MYO15B: variants seen among roughly 807,000 people sequenced by gnomAD.
MYO15B encodes myosin XVB.
In MYO15B, 207 loss-of-function variants were observed where a neutral mutation model predicts 119.3. The ratio of observed to expected loss-of-function variants is 1.73; its 90% CI spans 1.55 to 1.95. The LOEUF (loss-of-function observed/expected upper bound fraction) is 1.95, where lower values mean the gene tolerates loss of function less well. Among genes scored for constraint, MYO15B ranks in the 30% most tolerant of loss-of-function variants. MYO15B has a pLI of 0.00. For missense variants in MYO15B, 2,264 were observed against 1,203.1 expected, an observed-to-expected ratio of 1.88 and a Z score of -13.04; for synonymous variants, 966 against 498.9, an observed-to-expected ratio of 1.94 and a Z score of -12.48.
chr17:75,617,238 C>A (rs1186253341), exon 41 of MYO15B: 1 of 694,640 alleles, frequency 1.4e-6, no homozygotes, highest in Admixed American at 2.1e-5. Flanking sequence ...CCACACACCC[C>A]CACCTCCACC....
exon 35 of MYO15B, chr17:75,615,507 G>A (rs1232142618): frequency 1.4e-6 from 1 of 695,062 alleles, no homozygotes; most frequent in South Asian, 1.5e-5. Context: ...TCACAGCCAT[G>A]GTGGTGCCGC....
chr17:75,614,366 T>C lies in MYO15B; in HGVS notation c.5381+6T>C. 1 of 702,028 alleles carries C rather than the reference T, an allele frequency of 1.4e-6. No homozygotes were observed. The highest frequency in any genetic ancestry group is 2.7e-5 in the East Asian group (1 of 37,252). The allele number at this position is 702,028 out of a possible 1,614,324, so 43.5% of individuals were successfully genotyped here. On this transcript the variant is annotated splice_donor_region_variant and intron_variant, in intron 30 of 63. Coordinates refer to ENST00000645453, the Ensembl canonical transcript of MYO15B. ...CCCATCACTCCTCTTGGCTCGTAGG[T>C]GCCACCCAGCACCCCTCTCCCTGGC...
At position 75,613,296 on chromosome 17, in the gene MYO15B, C is replaced by T. The variant is rs1309940010; in HGVS notation, c.4971C>T (p.Phe1657=). Residue 1657 remains phenylalanine (F), a synonymous_variant, in exon 28 of 64, where the codon TTC becomes TTT. Coordinates refer to ENST00000645453, the Ensembl canonical transcript of MYO15B. ...GCAGCCTGTGCCCGCCCTGCAGGTT[C>T]GTGTCTGACCAGGCCCCCAGGGGCA... 4 of 668,466 alleles carry T rather than the reference C, an allele frequency of 6.0e-6. No homozygotes were observed. In the Admixed American group the frequency reaches 6.5e-5, roughly 11 times the overall value. 41.4% of individuals were successfully genotyped at this position (668,466 alleles called of 1,614,324 possible). A position where few individuals can be genotyped will look rare whatever the true frequency, so the allele number is the denominator to read the frequency against.
At chr17:75,624,960 C>G (rs574557912) in intron 59 of MYO15B, 44 bp downstream of exon 59, 2 of 694,852 alleles carry the variant, frequency 2.9e-6, no homozygotes, top group Non-Finnish European at 5.3e-6. Context: ...TTTGAGGGCG[C>G]GGCTTCCTGC....
chr17:75,597,982 C>T (rs2056978306), intron 14 of MYO15B, among the ~76,000 whole-genome samples: 1 of 152,026 alleles, frequency 6.6e-6, no homozygotes, highest in South Asian at 2.1e-4. Context: ...CCCTGTGCGG[C>T]TCCGTGGGTG....
intron 9 of MYO15B, 151 bp from the exon 10 acceptor site, chr17:75,594,324 T>G: frequency 2.0e-6 from 1 of 493,162 alleles, no homozygotes; most frequent in Non-Finnish European, 3.5e-6. Context: ...CTGAAAACCA[T>G]AGCCTCGCTC....
chr17:75,601,680 C>T, intron 15 of MYO15B, 117 bp downstream of exon 15: 1 of 636,316 alleles, frequency 1.6e-6, no homozygotes, highest in East Asian at 2.7e-5. Context: ...AAGGCTTGGA[C>T]ACCTGTCCCT....
chr17:75,589,416 C>T lies in MYO15B; in HGVS notation c.1359C>T (p.His453=). Residue 453 remains histidine (H), a synonymous_variant, in exon 1 of 64, where the codon CAC becomes CAT. Coordinates refer to ENST00000645453, the Ensembl canonical transcript of MYO15B. This position sits in a 1 kb window ranked among gnomAD's most constrained non-coding sequence, Gnocchi z 4.2. ...GGAAAGCGGACGAAGGGCGGGGCCA[C>T]GAGCGAGGGTACGAGGGGCGGGGCT... 2.8e-6 allele frequency: 1 copy of T among 359,534 alleles called. No homozygotes were observed. Among genetic ancestry groups the T allele is most frequent in the Non-Finnish European group, 4.7e-6 (1 of 214,460 alleles). The allele number at this position is 359,534 out of a possible 1,614,324, so 22.3% of individuals were successfully genotyped here.
At position 75,616,752 on chromosome 17, in the gene MYO15B, C is replaced by T. The variant is rs558379631; in HGVS notation, c.6473C>T (p.Pro2158Leu). 3.0e-4 allele frequency: 212 copies of T among 703,034 alleles called. No homozygotes were observed. The African/African-American group carries it at 3.1e-3, about 10-fold the overall frequency. 43.5% of individuals were successfully genotyped at this position (703,034 alleles called of 1,614,324 possible). A position where few individuals can be genotyped will look rare whatever the true frequency, so the allele number is the denominator to read the frequency against. The change falls in exon 39 of 64, where the codon CCG (proline) becomes CTG (leucine). Residue 2158 changes from proline (P) to leucine (L), a missense_variant. Transcript: ENST00000645453. ...ATCATCCGCATGTACCAGAGCCGCC[C>T]GGGCCCCGTGCCTGTGCCCGTGCAG...
In MYO15B at chr17:75,620,528, G is replaced by A. The variant is rs147113713; in HGVS notation, c.7617G>A (p.Pro2539=). The A allele has an allele frequency of 8.7e-4, 611 of 702,796 alleles. 1 individual carries two copies. In the African/African-American group the frequency reaches 9.3e-3, roughly 11 times the overall value. 43.5% of individuals were successfully genotyped at this position (702,796 alleles called of 1,614,324 possible). A position where few individuals can be genotyped will look rare whatever the true frequency, so the allele number is the denominator to read the frequency against. The change falls in exon 49 of 64, where the codon CCG becomes CCA. Residue 2539 remains proline (P), a synonymous_variant. Transcript: ENST00000645453. ...TCTTTCCTGCCGACATAGTGCAGCC[G>A]GCTGCCGCTCCCGACTTTTCCTTCT...
At chr17:75,621,615 T>C (rs1378089307) in intron 52 of MYO15B, 45 bp downstream of exon 52, 1 of 688,494 alleles carries the variant, frequency 1.5e-6, no homozygotes, top group Middle Eastern at 2.4e-4. Flanking sequence ...TGCAGTGCCA[T>C]GAACCTGGGT....
rs774317035 is a variant in MYO15B, at chr17:75,611,650, C to T, written c.4496C>T (p.Thr1499Met). The stretch of plus-strand genomic sequence containing the variant: ...GCTGAGCTGGCCGTCATGCTGAAGA[C>T]GGCGGAAAGTGAGTCTTGTTGGTGT... Residue 1499 changes from threonine (T) to methionine (M), a missense_variant, in exon 24 of 64, where the codon ACG (threonine) becomes ATG (methionine). Thr to Met is a moderately conservative substitution (Grantham distance 81). Coordinates refer to ENST00000645453, the Ensembl canonical transcript of MYO15B. 61 of 702,664 alleles carry T rather than the reference C, an allele frequency of 8.7e-5. No individual in the cohort carries two copies. In the Middle Eastern group the frequency reaches 1.1e-3, roughly 13 times the overall value. 43.5% of individuals were successfully genotyped at this position (702,664 alleles called of 1,614,324 possible). A position where few individuals can be genotyped will look rare whatever the true frequency, so the allele number is the denominator to read the frequency against.
intron 9 of MYO15B, among the ~76,000 whole-genome samples, chr17:75,593,549 G>A (rs2056624002): frequency 6.6e-6 from 1 of 151,802 alleles, no homozygotes; most frequent in South Asian, 2.1e-4. Flanking sequence ...GGTGGAGGTG[G>A]CAGTGACCTG....
In MYO15B at chr17:75,589,747, G is replaced by A. The variant is rs2056318832; in HGVS notation, c.1690G>A (p.Glu564Lys). 4 of 398,826 alleles carry A rather than the reference G, an allele frequency of 1.0e-5. No homozygotes were observed. Among genetic ancestry groups the A allele is most frequent in the Non-Finnish European group, 1.3e-5 (3 of 226,126 alleles). The allele number at this position is 398,826 out of a possible 1,614,324, so 24.7% of individuals were successfully genotyped here. Reference sequence around the variant, plus strand: ...GGCGTCGAGCAGCCGCAGCTCTGAAGAAGCGTCCGCAGATGCCCCCACGGG... The same window carrying A: ...GGCGTCGAGCAGCCGCAGCTCTGAAAAAGCGTCCGCAGATGCCCCCACGGG... Residue 564 changes from glutamate (E) to lysine (K), a missense_variant, in exon 1 of 64, where the codon GAA becomes AAA. By Grantham distance (56) the Glu-to-Lys change is moderately conservative (BLOSUM62 1). Coordinates refer to ENST00000645453, the Ensembl canonical transcript of MYO15B. The surrounding 1 kb of genome is among the most constrained non-coding windows in gnomAD (Gnocchi z 4.2).
At chr17:75,598,358 C>A (rs1483974843) in intron 14 of MYO15B, among the ~76,000 whole-genome samples, 3 of 151,520 alleles carry the variant, frequency 2.0e-5, no homozygotes, top group Non-Finnish European at 4.4e-5. Flanking sequence ...GTGGACAGAT[C>A]TCGAGGTCAG....
At chr17:75,595,080 G>C (rs973790016) in intron 12 of MYO15B, 108 bp downstream of exon 12, 3 of 643,166 alleles carry the variant, frequency 4.7e-6, no homozygotes, top group Admixed American at 2.3e-5. Flanking sequence ...CGAGGTGCTT[G>C]TCTGTCTGGC....
Position 75,589,638 on chromosome 17 carries a change from C to T in MYO15B, c.1581C>T (p.Val527=). 2.5e-6 allele frequency: 1 copy of T among 398,948 alleles called. No homozygotes were observed. The highest frequency in any genetic ancestry group is 4.4e-6 in the Non-Finnish European group (1 of 226,078). The allele number at this position is 398,948 out of a possible 1,614,324, so 24.7% of individuals were successfully genotyped here. A position where few individuals can be genotyped will look rare whatever the true frequency, so the allele number is the denominator to read the frequency against. ...CCCCGCAGGTCCCGACAAGCCCAGT[C>T]CCCGGCGACCCTTTTGATCAGGAGG... Residue 527 remains valine (V), a synonymous_variant, in exon 1 of 64, where the codon GTC becomes GTT. Coordinates refer to ENST00000645453, the Ensembl canonical transcript of MYO15B. This position sits in a 1 kb window ranked among gnomAD's most constrained non-coding sequence, Gnocchi z 4.2.
intron 14 of MYO15B, 88 bp downstream of exon 14, chr17:75,596,987 G>T: frequency 1.6e-6 from 1 of 620,068 alleles, no homozygotes; most frequent in South Asian, 1.9e-5. Context: ...GAGCCTCCCA[G>T]AGGGGACAAG....
chr17:75,597,651 T>TC (rs765394664), intron 14 of MYO15B, among the ~76,000 whole-genome samples: 5 of 152,138 alleles, frequency 3.3e-5, no homozygotes, highest in Non-Finnish European at 7.4e-5. Context: ...TTGGCCAAGC[T>TC]CAGTGGCTCA....
Sources: gnomAD v4.1 joint callset for allele counts (sites outside exome capture counted in the v4.1 genomes callset) on GRCh38, gnomAD v4.1.1 for gene constraint, Gnocchi (gnomAD v3.1) non-coding constraint, MANE v1.5 for transcripts, NCBI Gene and HGNC (gene_info 2026-07-23, HGNC 2026-07-21) for gene names.